PLXNA4: variants seen among roughly 807,000 people sequenced by gnomAD.
PLXNA4 encodes the protein plexin-A4.
PLXNA4 carries 44 observed loss-of-function variants against 191.8 expected under a neutral mutation model. The ratio of observed to expected loss-of-function variants is 0.23; its 90% CI spans 0.18 to 0.29. PLXNA4 has a LOEUF of 0.29. Among genes scored for constraint, PLXNA4 ranks in the 10% least tolerant of loss-of-function variants. PLXNA4 has a pLI of 1.00. For synonymous variants in PLXNA4, 1,082 were observed against 1,009.5 expected, an observed-to-expected ratio of 1.07 and a Z score of -1.36; for missense variants, 1,800 against 2,488.8, an observed-to-expected ratio of 0.72 and a Z score of 5.89.
chr7:132,571,138 C>T (rs889748785), intron 1 of PLXNA4, among the ~76,000 whole-genome samples: 2 of 151,842 alleles, frequency 1.3e-5, no homozygotes. Context: ...TCACTTGTGG[C>T]TTTTTCCTAA....
chr7:132,205,089 G>A (rs924538169), intron 10 of PLXNA4, among the ~76,000 whole-genome samples: 10 of 152,218 alleles, frequency 6.6e-5, no homozygotes, highest in African/African-American at 2.4e-4. Context: ...AGCTCACAGA[G>A]TAAAGCAAAG....
intron 5 of PLXNA4, among the ~76,000 whole-genome samples, chr7:132,233,551 G>A (rs1798594616): frequency 6.6e-6 from 1 of 152,180 alleles, no homozygotes; most frequent in South Asian, 2.1e-4. Flanking sequence ...ATCAGTTGCT[G>A]GCAACTGGGC....
intron 2 of PLXNA4, among the ~76,000 whole-genome samples, chr7:132,635,170 T>TTATTTATA (rs1470708373): frequency 3.8e-5 from 5 of 131,810 alleles, no homozygotes; most frequent in Non-Finnish European, 6.4e-5. Flanking sequence ...AAACTCCCCT[T>TTATTTATA]TATATATATA....
intron 3 of PLXNA4, among the ~76,000 whole-genome samples, chr7:132,309,536 T>C (rs1563026342): frequency 6.6e-6 from 1 of 152,140 alleles, no homozygotes; most frequent in Non-Finnish European, 1.5e-5. Flanking sequence ...CTCTCCTCTC[T>C]GCCCACACAA....
chr7:132,206,899 G>C (rs1797643735), intron 10 of PLXNA4, among the ~76,000 whole-genome samples: 1 of 152,172 alleles, frequency 6.6e-6, no homozygotes, highest in Non-Finnish European at 1.5e-5. Flanking sequence ...CAGGCTCCAG[G>C]CTCCTGGAGG....
At chr7:132,506,864 G>C (rs1798484588) in intron 2 of PLXNA4, among the ~76,000 whole-genome samples, 1 of 152,214 alleles carries the variant, frequency 6.6e-6, no homozygotes, top group South Asian at 2.1e-4. Flanking sequence ...TGTGCACACA[G>C]AAGATGCTCA....
intron 3 of PLXNA4, among the ~76,000 whole-genome samples, chr7:132,441,265 G>T (rs1795688899): frequency 6.6e-6 from 1 of 152,204 alleles, no homozygotes; most frequent in Admixed American, 6.5e-5. Flanking sequence ...ATGGGTAGGT[G>T]ATTTTTAAAC....
chr7:132,145,253 C>G lies in PLXNA4; in HGVS notation c.5091G>C (p.Glu1697Asp). Residue 1697 changes from glutamate to aspartate, a missense_variant, in exon 29 of 32, where the codon GAG (glutamate) becomes GAC (aspartate). Glu to Asp is a conservative substitution (Grantham distance 45, BLOSUM62 2). This residue lies in a region of PLXNA4 where 101 missense variants were observed against 182.8 expected (regional missense o/e 0.55). Coordinates refer to ENST00000321063, the MANE Select transcript of PLXNA4 (RefSeq NM_020911.2). Reference protein sequence around the residue: ...TLQKFVDDLFETIFSTAHRGS... With the variant: ...TLQKFVDDLFDTIFSTAHRGS... Reference sequence around the variant, plus strand: ...CACGGTGTGCCGTGCTGAAGATGGTCTCAAAGAGGTCATCCACAAACTTCT... The same window carrying G: ...CACGGTGTGCCGTGCTGAAGATGGTGTCAAAGAGGTCATCCACAAACTTCT... 6.2e-7 allele frequency: 1 copy of G among 1,614,212 alleles called. No homozygotes were observed. The highest frequency in any genetic ancestry group is 8.5e-7 in the Non-Finnish European group (1 of 1,180,034).
At chr7:132,485,116 A>G (rs1797501564) in intron 3 of PLXNA4, 2 of 1,498,094 alleles carry the variant, frequency 1.3e-6, no homozygotes, top group Admixed American at 2.0e-5. Flanking sequence ...TGGTTTTTGT[A>G]CTATATACTC....
At position 132,130,242 on chromosome 7, in the gene PLXNA4, T is replaced by G; in HGVS notation, c.*237A>C. 1 of 533,130 alleles carries G rather than the reference T, an allele frequency of 1.9e-6. No homozygotes were observed. Among genetic ancestry groups the G allele is most frequent in the Non-Finnish European group, 3.3e-6 (1 of 304,108 alleles). 33.0% of individuals were successfully genotyped at this position (533,130 alleles called of 1,614,324 possible). On this transcript the variant is annotated 3_prime_UTR_variant, in exon 32 of 32. Transcript: ENST00000321063. ...AGCTCCCTTGCCATGGGCCTGGCCA[T>G]TCTTGGACTAACTGAGGGTCAGTGG... is the stretch of plus-strand genomic sequence containing the variant.
At chr7:132,226,313 G>A in intron 7 of PLXNA4, 53 bp from the exon 8 acceptor site, 3 of 1,490,300 alleles carry the variant, frequency 2.0e-6, no homozygotes, top group South Asian at 2.3e-5. Flanking sequence ...CCAAGCCAGG[G>A]ATTCCCTGAC....
At chr7:132,494,425 T>G (rs1465307522) in intron 2 of PLXNA4, among the ~76,000 whole-genome samples, 1 of 152,144 alleles carries the variant, frequency 6.6e-6, no homozygotes, top group Non-Finnish European at 1.5e-5. Flanking sequence ...TTGCTAAGGT[T>G]TGAGAAGCAC....
intron 3 of PLXNA4, among the ~76,000 whole-genome samples, chr7:132,467,817 A>C (rs1796767772): frequency 6.6e-6 from 1 of 152,238 alleles, no homozygotes; most frequent in South Asian, 2.1e-4. Flanking sequence ...GTGGTGAAAC[A>C]GACCATCCCT....
At chr7:132,168,221 G>A (rs1487607090) in intron 22 of PLXNA4, 83 bp downstream of exon 22, 2 of 1,429,832 alleles carry the variant, frequency 1.4e-6, no homozygotes, top group Admixed American at 2.9e-5. Context: ...TCTCCTAGGA[G>A]CTCCACCCGA....
At chr7:132,229,141 C>T (rs1410201705) in intron 5 of PLXNA4, among the ~76,000 whole-genome samples, 1 of 152,160 alleles carries the variant, frequency 6.6e-6, no homozygotes, top group Non-Finnish European at 1.5e-5. Context: ...ATTTTAGAAT[C>T]CCCTCATGTA....
At chr7:132,600,075 C>T (rs1176942964) in intron 2 of PLXNA4, among the ~76,000 whole-genome samples, 1 of 152,096 alleles carries the variant, frequency 6.6e-6, no homozygotes, top group Non-Finnish European at 1.5e-5. Flanking sequence ...ATTTGGTTAG[C>T]TAATATTTTA....
intron 1 of PLXNA4, among the ~76,000 whole-genome samples, chr7:132,553,585 A>C (rs959021293): frequency 1.3e-5 from 2 of 152,182 alleles, no homozygotes; most frequent in Non-Finnish European, 2.9e-5. Flanking sequence ...GCACCCCTGC[A>C]CCAGTCCATA....
intron 2 of PLXNA4, among the ~76,000 whole-genome samples, chr7:132,503,638 T>C (rs74902360): frequency 0.037 from 5,659 of 152,252 alleles, 185 homozygotes; most frequent in Non-Finnish European, 0.053. Flanking sequence ...TCAGGGAGCC[T>C]GGATGGCAGC....
At position 132,254,250 on chromosome 7, in the gene PLXNA4, G is replaced by A. The variant is rs376751685; in HGVS notation, c.1504-13084C>T. Among the ~76,000 whole-genome samples the A allele has an allele frequency of 6.4e-4, 98 of 152,274 alleles. No individual in the cohort carries two copies. In the South Asian group the frequency reaches 0.019, roughly 30 times the overall value. On this transcript the variant is annotated intron_variant, in intron 4 of 31. Coordinates refer to ENST00000321063, the MANE Select transcript of PLXNA4 (RefSeq NM_020911.2). ...CCCTAGCTCTTGTGATCTCAAAAAA[G>A]TACAGTGATATCAATCTGAAATATA...
Sources: allele counts gnomAD v4.1 joint callset (sites outside exome capture counted in the v4.1 genomes callset), GRCh38; gene constraint gnomAD v4.1.1; regional missense constraint gnomAD v4.1.1; transcripts MANE v1.5; gene names NCBI Gene and HGNC (gene_info 2026-07-23, HGNC 2026-07-21).